Variants in SSR1 observed in about 807,000 individuals in gnomAD.
The protein encoded by SSR1 is signal sequence receptor subunit 1.
Under a neutral mutation model 36.1 loss-of-function variants are expected in SSR1, and 13 were observed. That is an observed-to-expected ratio of 0.36 (90% CI 0.23 to 0.57). The LOEUF (loss-of-function observed/expected upper bound fraction) is 0.57. Ranked by LOEUF, SSR1 falls within the 20% of genes least tolerant of loss-of-function variation. The pLI is 0.81. For synonymous variants in SSR1, 113 were observed against 118.9 expected (o/e 0.95, Z 0.32); for missense variants, 291 against 338.5 (o/e 0.86, Z 1.10).
At chr6:7,308,487 T>C (rs1758118339) in intron 2 of SSR1, among the ~76,000 whole-genome samples, 1 of 152,062 alleles carries the variant, frequency 6.6e-6, no homozygotes, top group Non-Finnish European at 1.5e-5. Context: ...GGTTCAAGTA[T>C]GACACGAAAA....
chr6:7,306,922 T>TGG lies in SSR1; in HGVS notation c.192+2993_192+2994dup, dbSNP rs139862673. Among the ~76,000 whole-genome samples, 72 of 71,076 alleles carry TGG rather than the reference T, an allele frequency of 1.0e-3. No individual in the cohort carries two copies. The Middle Eastern group carries it at 0.025, about 24-fold the overall frequency. 46.6% of individuals were successfully genotyped at this position (71,076 alleles called of 152,430 possible). On this transcript the variant is annotated intron_variant, in intron 2 of 7. Transcript: ENST00000244763. The stretch of plus-strand genomic sequence containing the variant: ...ACAGAGCGAGACTCTGTCTGGGTGG[T>TGG]GGGGGGGTGGGGGAAAGCCCAAGGT...
chr6:7,288,330 T>G lies in SSR1; in HGVS notation c.*1534A>C, dbSNP rs560304072. The G allele has an allele frequency of 6.6e-6, 1 of 152,284 alleles. No homozygotes were observed. The highest frequency in any genetic ancestry group is 1.9e-4 in the East Asian group (1 of 5,190). The allele number at this position is 152,284 out of a possible 1,614,324, so 9.4% of individuals were successfully genotyped here. A position where few individuals can be genotyped will look rare whatever the true frequency, so the allele number is the denominator to read the frequency against. On this transcript the variant is annotated 3_prime_UTR_variant, in exon 8 of 8. Coordinates refer to ENST00000244763, the MANE Select transcript of SSR1 (RefSeq NM_003144.5). The stretch of plus-strand genomic sequence containing the variant: ...CAGCCCAATTAAAAACTCAAACACT[T>G]TATATTACAGATATAGAGTTTATAA...
In SSR1 at chr6:7,282,930, G is replaced by A. The variant is rs996633392; in HGVS notation, c.*6934C>T. 2 of 152,190 alleles carry A rather than the reference G, an allele frequency of 1.3e-5. No homozygotes were observed. The highest frequency in any genetic ancestry group is 2.9e-5 in the Non-Finnish European group (2 of 68,032). The allele number at this position is 152,190 out of a possible 1,614,324, so 9.4% of individuals were successfully genotyped here. A position where few individuals can be genotyped will look rare whatever the true frequency, so the allele number is the denominator to read the frequency against. On this transcript the variant is annotated 3_prime_UTR_variant, in exon 8 of 8. Coordinates refer to ENST00000244763, the MANE Select transcript of SSR1 (RefSeq NM_003144.5). ...ATAAACTGCTCTGTAGAATTCAAGG[G>A]AATGAAATCCGCTTCTCATACGTAC...
intron 7 of SSR1, among the ~76,000 whole-genome samples, chr6:7,294,348 TTATAGA>T (rs1414500548): frequency 6.6e-6 from 1 of 152,224 alleles, no homozygotes. Context: ...GCGTATATGC[TTATAGA>T]TATATAGAAA....
rs1176563125 is a variant in SSR1 at position 7,289,811 on chromosome 6, G to A, written c.*53C>T. 28 of 1,528,060 alleles carry A rather than the reference G, an allele frequency of 1.8e-5. No individual in the cohort carries two copies. Among genetic ancestry groups the A allele is most frequent in the Non-Finnish European group, 2.3e-5 (26 of 1,137,448 alleles). The allele number at this position is 1,528,060 out of a possible 1,614,324, so 94.7% of individuals were successfully genotyped here. On this transcript the variant is annotated 3_prime_UTR_variant, in exon 8 of 8. Coordinates refer to ENST00000244763, the MANE Select transcript of SSR1 (RefSeq NM_003144.5). Reference sequence around the variant, plus strand: ...TCTCTGCACTAATTCCCATCAGGCCGAAAAATATTAGGGCAGGTTAAGTAA... The same window carrying A: ...TCTCTGCACTAATTCCCATCAGGCCAAAAAATATTAGGGCAGGTTAAGTAA...
At chr6:7,312,983 C>T (rs1041603132) in intron 1 of SSR1, 59 bp downstream of exon 1, 12 of 1,522,542 alleles carry the variant, frequency 7.9e-6, no homozygotes, top group Non-Finnish European at 1.1e-5. Flanking sequence ...CAACTTCAAA[C>T]TTGCCATCAC....
In SSR1 at chr6:7,286,774, G is replaced by A. The variant is rs192633265; in HGVS notation, c.*3090C>T. 4.6e-5 allele frequency: 7 copies of A among 152,110 alleles called. No homozygotes were observed. Among genetic ancestry groups the A allele is most frequent in the Admixed American group, 2.6e-4 (4 of 15,290 alleles). The allele number at this position is 152,110 out of a possible 1,614,324, so 9.4% of individuals were successfully genotyped here. A position where few individuals can be genotyped will look rare whatever the true frequency, so the allele number is the denominator to read the frequency against. On this transcript the variant is annotated 3_prime_UTR_variant, in exon 8 of 8. Transcript: ENST00000244763. ...AAAAATGCAAAAATTAGGCAGGTGC[G>A]GTGACGGGCGCCTGTAATCCAAGCT...
chr6:7,311,935 C>T (rs890864317), intron 1 of SSR1, among the ~76,000 whole-genome samples: 1 of 152,134 alleles, frequency 6.6e-6, no homozygotes, highest in Non-Finnish European at 1.5e-5. Flanking sequence ...GCAAACGACT[C>T]CTAAAGTAAA....
chr6:7,301,781 CCA>C (rs1431957322), intron 3 of SSR1, among the ~76,000 whole-genome samples: 1 of 152,128 alleles, frequency 6.6e-6, no homozygotes, highest in Non-Finnish European at 1.5e-5. Context: ...GCTAGCACTC[CCA>C]CATAAGCATT....
chr6:7,300,145 G>A (rs1346418356), intron 4 of SSR1, among the ~76,000 whole-genome samples: 1 of 152,098 alleles, frequency 6.6e-6, no homozygotes, highest in African/African-American at 2.4e-5. Context: ...TTGAGGACAG[G>A]ATGAAAATAC....
At chr6:7,305,549 C>G (rs1055838802) in intron 2 of SSR1, among the ~76,000 whole-genome samples, 2 of 152,176 alleles carry the variant, frequency 1.3e-5, no homozygotes, top group Non-Finnish European at 2.9e-5. Flanking sequence ...ACAGTATAAG[C>G]AGATGTGTGG....
intron 4 of SSR1, among the ~76,000 whole-genome samples, chr6:7,300,700 T>C (rs1484789773): frequency 6.6e-6 from 1 of 152,200 alleles, no homozygotes; most frequent in East Asian, 1.9e-4. Context: ...TGGAGTACAA[T>C]GGTGCGATCT....
rs772347268 is a variant in SSR1, at chr6:7,301,423, T to A, written c.430A>T (p.Thr144Ser). The change falls in exon 4 of 8, where the codon ACT becomes TCT. Residue 144 changes from threonine to serine, a missense_variant. By Grantham distance (58) the Thr-to-Ser change is moderately conservative. Coordinates refer to ENST00000244763, the MANE Select transcript of SSR1 (RefSeq NM_003144.5). ...IQNFTALPLNTVVPPQRQATF... is the reference protein window; with the variant it reads ...IQNFTALPLNSVVPPQRQATF... ...GCCTGTCTCTGGGGTGGCACTACAG[T>A]GTTCAGAGGAAGAGCTGTGAAATTC... is the stretch of plus-strand genomic sequence containing the variant. The A allele has an allele frequency of 1.4e-5, 22 of 1,614,024 alleles. No homozygotes were observed. Among genetic ancestry groups the A allele is most frequent in the Non-Finnish European group, 1.7e-5 (20 of 1,180,036 alleles).
At chr6:7,301,236 T>TA in intron 4 of SSR1, 74 bp downstream of exon 4, 1 of 1,528,502 alleles carries the variant, frequency 6.5e-7, no homozygotes, top group Non-Finnish European at 8.8e-7. Context: ...AATGAACAGA[T>TA]ATATTCTATT....
At chr6:7,295,539 A>C (rs1757776203) in intron 6 of SSR1, 54 bp from the exon 7 acceptor site, 1 of 1,308,334 alleles carries the variant, frequency 7.6e-7, no homozygotes, top group Non-Finnish European at 1.0e-6. Context: ...CATTTACTTA[A>C]TATTTTTTAA....
rs1001907599 is a variant in SSR1, at chr6:7,303,045, A to T, written c.280+505T>A. Among the ~76,000 whole-genome samples, 4 of 147,272 alleles carry T rather than the reference A, an allele frequency of 2.7e-5. No individual in the cohort carries two copies. In the Admixed American group the frequency reaches 2.8e-4, roughly 10 times the overall value. ...CAGCCACTAGGGAGGCTGAGGCAGG[A>T]GAATCGCTTGAAACCGGGAGGCCTC... is the stretch of plus-strand genomic sequence containing the variant. On this transcript the variant is annotated intron_variant, in intron 3 of 7. Transcript: ENST00000244763.
chr6:7,302,435 C>T (rs1339711566), intron 3 of SSR1, among the ~76,000 whole-genome samples: 1 of 152,160 alleles, frequency 6.6e-6, no homozygotes, highest in African/African-American at 2.4e-5. Flanking sequence ...ATATAGCCCT[C>T]AATAAATTAT....
At chr6:7,297,783 G>C (rs929386523) in intron 6 of SSR1, 140 bp downstream of exon 6, 1 of 586,706 alleles carries the variant, frequency 1.7e-6, no homozygotes, top group African/African-American at 1.9e-5. Context: ...TAAGGCTTCA[G>C]GTTTTATTTT....
At chr6:7,298,617 CG>C (rs1273774171) in intron 5 of SSR1, 129 bp downstream of exon 5, 1 of 628,622 alleles carries the variant, frequency 1.6e-6, no homozygotes, top group East Asian at 2.8e-5. Context: ...GAATGAATAT[CG>C]TAAGGATTTC....
Sources: gnomAD v4.1 joint callset for allele counts (sites outside exome capture counted in the v4.1 genomes callset) on GRCh38, gnomAD v4.1.1 for gene constraint, MANE v1.5 for transcripts, NCBI Gene and HGNC (gene_info 2026-07-23, HGNC 2026-07-21) for gene names.